The following TRERF1 variants were observed in gnomAD, a reference collection of about 807,000 sequenced individuals.
TRERF1 encodes transcriptional regulating factor 1, also known as transcriptional-regulating factor 1.
In TRERF1, 27 loss-of-function variants were observed where a neutral mutation model predicts 122.9. The observed-to-expected ratio is 0.22, with a 90% CI of 0.16 to 0.30. The LOEUF is 0.30. Among genes scored for constraint, TRERF1 ranks in the 10% least tolerant of loss-of-function variants. The probability of loss-of-function intolerance (pLI) is 1.00; values close to 1 mark genes in which losing one functional copy is unlikely to be tolerated. For missense variants in TRERF1, 1,248 were observed against 1,560.3 expected (o/e 0.80, Z 3.37); for synonymous variants, 636 against 641.7 (o/e 0.99, Z 0.13).
At chr6:42,413,781 A>G (rs1277824358) in intron 2 of TRERF1, among the ~76,000 whole-genome samples, 1 of 152,166 alleles carries the variant, frequency 6.6e-6, no homozygotes, top group Non-Finnish European at 1.5e-5. Context: ...TGTGCACCTT[A>G]AAGTTTGAGA....
chr6:42,424,915 T>C (rs1783370909), intron 2 of TRERF1, among the ~76,000 whole-genome samples: 1 of 152,230 alleles, frequency 6.6e-6, no homozygotes, highest in African/African-American at 2.4e-5. Context: ...CTGCATACTG[T>C]GCAAGTGGCA....
intron 2 of TRERF1, among the ~76,000 whole-genome samples, chr6:42,445,260 T>C (rs1582283824): frequency 9.2e-6 from 1 of 109,186 alleles, no homozygotes; most frequent in Non-Finnish European, 1.9e-5. Context: ...AGAGCAAGAC[T>C]CCATCTCAAA....
chr6:42,272,609 A>G (rs984876173), intron 4 of TRERF1, among the ~76,000 whole-genome samples: 1 of 152,222 alleles, frequency 6.6e-6, no homozygotes, highest in African/African-American at 2.4e-5. Flanking sequence ...GCACTGAATT[A>G]GCAGACTCTT....
At chr6:42,248,803 G>A (rs1775244397) in intron 13 of TRERF1, among the ~76,000 whole-genome samples, 1 of 152,190 alleles carries the variant, frequency 6.6e-6, no homozygotes, top group African/African-American at 2.4e-5. Flanking sequence ...GGGGTTTGGA[G>A]AATACTTGCC....
chr6:42,243,816 G>A (rs1470294872), intron 14 of TRERF1, among the ~76,000 whole-genome samples: 4 of 150,480 alleles, frequency 2.7e-5, no homozygotes, highest in African/African-American at 9.8e-5. Context: ...TCCTGACCTC[G>A]TGATCCGCCC....
chr6:42,397,333 G>T (rs1438647672), intron 2 of TRERF1, among the ~76,000 whole-genome samples: 1 of 152,184 alleles, frequency 6.6e-6, no homozygotes, highest in Non-Finnish European at 1.5e-5. Context: ...CTCCTGGTTA[G>T]AGGGGTCAAA....
chr6:42,436,812 AAAATATATATAT>A lies in TRERF1; in HGVS notation c.-454+14353_-454+14364del, dbSNP rs1276272656. On this transcript the variant is annotated intron_variant, in intron 2 of 17. Transcript: ENST00000372922. ...CAATCTCCCTCTACAAAAAAAAAAA[AAAATATATATAT>A]ATATATATATATATATATATATATG... 9.2e-5 allele frequency among the ~76,000 whole-genome samples: 9 copies of A among 97,972 alleles called. No homozygotes were observed. The East Asian group carries it at 1.0e-3, about 11-fold the overall frequency. 64.3% of individuals were successfully genotyped at this position (97,972 alleles called of 152,430 possible).
At chr6:42,390,085 G>C (rs1307909363) in intron 2 of TRERF1, among the ~76,000 whole-genome samples, 1 of 152,120 alleles carries the variant, frequency 6.6e-6, no homozygotes, top group Non-Finnish European at 1.5e-5. Context: ...TCATCAGGTG[G>C]AAATGAAAAA....
At chr6:42,283,799 A>G (rs937193932) in intron 4 of TRERF1, among the ~76,000 whole-genome samples, 3 of 151,734 alleles carry the variant, frequency 2.0e-5, no homozygotes, top group Non-Finnish European at 2.9e-5. Context: ...TATTTTTAGT[A>G]GAGACGGGGT....
At chr6:42,390,308 G>A (rs1194561851) in intron 2 of TRERF1, among the ~76,000 whole-genome samples, 1 of 152,150 alleles carries the variant, frequency 6.6e-6, no homozygotes, top group Non-Finnish European at 1.5e-5. Flanking sequence ...CTGTGTGTGT[G>A]GAGGGGGAGT....
At chr6:42,429,211 T>G (rs1288378476) in intron 2 of TRERF1, among the ~76,000 whole-genome samples, 2 of 152,218 alleles carry the variant, frequency 1.3e-5, no homozygotes, top group African/African-American at 4.8e-5. Context: ...TTCTCTCTCC[T>G]TTCCTCTCCA....
rs576206291 is a variant in TRERF1 at position 42,353,329 on chromosome 6, G to A, written c.-371+9668C>T. Among the ~76,000 whole-genome samples the A allele has an allele frequency of 4.6e-5, 7 of 151,862 alleles. 1 individual carries two copies. Among genetic ancestry groups the A allele is most frequent in the African/African-American group, 1.2e-4 (5 of 41,416 alleles). On this transcript the variant is annotated intron_variant, in intron 3 of 17. Transcript: ENST00000372922. ...GGGCCGGGTGTGGTGGCTCACTCCC[G>A]AAATCCCAGCACTTTGGGAGGGCGA...
rs1363177869 is a variant in TRERF1, at chr6:42,263,614, C to T, written c.1636-46G>A. The T allele has an allele frequency of 6.9e-7, 1 of 1,440,508 alleles. No homozygotes were observed. The highest frequency in any genetic ancestry group is 9.2e-7 in the Non-Finnish European group (1 of 1,091,282). 89.2% of individuals were successfully genotyped at this position (1,440,508 alleles called of 1,614,324 possible). On this transcript the variant is annotated intron_variant, in intron 7 of 17. Transcript: ENST00000372922. The surrounding 1 kb of genome is among the most constrained non-coding windows in gnomAD (Gnocchi z 5.6). ...TTGATCCTGGGCTGAGAGCAGCTCT[C>T]ACAAGGGGGATGCACTTTGCTTTTC...
intron 2 of TRERF1, among the ~76,000 whole-genome samples, chr6:42,419,500 G>T (rs976638450): frequency 6.6e-6 from 1 of 151,966 alleles, no homozygotes; most frequent in Non-Finnish European, 1.5e-5. Context: ...CCCAACATGT[G>T]CCAACAAATT....
rs114454208 is a variant in TRERF1, at chr6:42,297,148, T to C, written c.-259+3490A>G. On this transcript the variant is annotated intron_variant, in intron 4 of 17. Coordinates refer to ENST00000372922, the Ensembl canonical transcript of TRERF1. ...ACCCTCTCTGAGCTTCAGGTCACTCTTCTGTGAAGAAATAGAAATTCCTGC... is the reference window on the plus strand; with the variant it reads ...ACCCTCTCTGAGCTTCAGGTCACTCCTCTGTGAAGAAATAGAAATTCCTGC... Among the ~76,000 whole-genome samples the C allele has an allele frequency of 5.7e-3, 872 of 152,314 alleles. 5 individuals carry two copies. Among genetic ancestry groups the C allele is most frequent in the African/African-American group, 0.02 (814 of 41,570 alleles).
At chr6:42,325,670 T>A (rs1764166868) in intron 3 of TRERF1, among the ~76,000 whole-genome samples, 2 of 152,088 alleles carry the variant, frequency 1.3e-5, no homozygotes, top group Admixed American at 1.3e-4. Context: ...ACCCAGGAAA[T>A]CAAGACTAGG....
At chr6:42,261,408 G>A (rs927449412) in intron 8 of TRERF1, among the ~76,000 whole-genome samples, 1 of 152,204 alleles carries the variant, frequency 6.6e-6, no homozygotes, top group African/African-American at 2.4e-5. Context: ...CACTGGGCAA[G>A]AGAAGCCACC....
At chr6:42,401,775 T>G (rs938059889) in intron 2 of TRERF1, among the ~76,000 whole-genome samples, 1 of 152,148 alleles carries the variant, frequency 6.6e-6, no homozygotes, top group African/African-American at 2.4e-5. Context: ...TCTTTTCAGT[T>G]CTTCACAACT....
At chr6:42,235,149 A>ATAT (rs1454379457) in intron 16 of TRERF1, among the ~76,000 whole-genome samples, 1 of 152,102 alleles carries the variant, frequency 6.6e-6, no homozygotes, top group African/African-American at 2.4e-5. Flanking sequence ...TAGGATCTAA[A>ATAT]TATTTTAAAG....
Sources: allele counts gnomAD v4.1 joint callset (sites outside exome capture counted in the v4.1 genomes callset), GRCh38; gene constraint gnomAD v4.1.1; non-coding constraint Gnocchi (gnomAD v3.1); transcripts MANE v1.5; gene names NCBI Gene and HGNC (gene_info 2026-07-23, HGNC 2026-07-21).